Variants in ZFHX3 observed in about 807,000 individuals in gnomAD.
ZFHX3 encodes the protein zinc finger homeobox protein 3.
ZFHX3 carries 42 observed loss-of-function variants against 279.1 expected under a neutral mutation model. The observed-to-expected ratio is 0.15, with a 90% CI of 0.12 to 0.19. The LOEUF is 0.19. ZFHX3 is among the 10% of genes least tolerant of loss of function. The probability of loss-of-function intolerance (pLI) is 1.00; values close to 1 mark genes in which losing one functional copy is unlikely to be tolerated. For synonymous variants in ZFHX3, 2,293 were observed against 1,957.8 expected, an observed-to-expected ratio of 1.17 and a Z score of -4.52; for missense variants, 4,981 against 4,754.0, an observed-to-expected ratio of 1.05 and a Z score of -1.40.
At chr16:73,652,252 A>T (rs2142166701) in intron 2 of ZFHX3, among the ~76,000 whole-genome samples, 1 of 152,300 alleles carries the variant, frequency 6.6e-6, no homozygotes, top group Non-Finnish European at 1.5e-5. Context: ...ATGTGCTACC[A>T]CTCGTACCAA....
intron 2 of ZFHX3, among the ~76,000 whole-genome samples, chr16:73,570,075 T>G (rs2051718455): frequency 6.6e-6 from 1 of 152,172 alleles, no homozygotes; most frequent in African/African-American, 2.4e-5. Context: ...CGGGTATACA[T>G]TTTACAGGAA....
At chr16:72,956,511 G>C (rs1295407988) in intron 2 of ZFHX3, among the ~76,000 whole-genome samples, 1 of 152,082 alleles carries the variant, frequency 6.6e-6, no homozygotes, top group Non-Finnish European at 1.5e-5. Context: ...GCTGTGGTTC[G>C]TTCTACGTAA....
chr16:73,776,909 A>G (rs1399704833), intron 1 of ZFHX3, among the ~76,000 whole-genome samples: 2 of 151,956 alleles, frequency 1.3e-5, no homozygotes, highest in African/African-American at 2.4e-5. Context: ...TTTAAGGAAC[A>G]ATATTATCAG....
At chr16:73,155,609 G>A (rs1205198302) in intron 5 of ZFHX3, among the ~76,000 whole-genome samples, 2 of 152,062 alleles carry the variant, frequency 1.3e-5, no homozygotes, top group Non-Finnish European at 2.9e-5. Flanking sequence ...GATCACCTGA[G>A]GTCAGGAGTT....
chr16:72,918,404 A>C (rs2144222687), intron 3 of ZFHX3, among the ~76,000 whole-genome samples: 1 of 152,356 alleles, frequency 6.6e-6, no homozygotes, highest in African/African-American at 2.4e-5. Context: ...CAGCTATTAA[A>C]AATTATGATG....
intron 1 of ZFHX3, among the ~76,000 whole-genome samples, chr16:73,725,001 T>C (rs981161178): frequency 3.3e-5 from 5 of 152,156 alleles, no homozygotes; most frequent in Non-Finnish European, 5.9e-5. Context: ...CCTCAGTCTG[T>C]AATGGGATTA....
chr16:73,497,633 G>C (rs2019164150), intron 2 of ZFHX3, among the ~76,000 whole-genome samples: 1 of 152,086 alleles, frequency 6.6e-6, no homozygotes, highest in South Asian at 2.1e-4. Flanking sequence ...TCACGCCACT[G>C]CACTCCAGCC....
chr16:73,175,558 T>C (rs1303943118), intron 5 of ZFHX3, among the ~76,000 whole-genome samples: 1 of 152,178 alleles, frequency 6.6e-6, no homozygotes, highest in Non-Finnish European at 1.5e-5. Context: ...AGTAAGTGCA[T>C]TAACACACAC....
intron 2 of ZFHX3, among the ~76,000 whole-genome samples, chr16:73,475,055 T>C (rs2018741254): frequency 6.6e-6 from 1 of 152,214 alleles, no homozygotes; most frequent in Non-Finnish European, 1.5e-5. Context: ...TCCCTCCCTC[T>C]GTCTTCCTGC....
At chr16:73,301,931 T>A (rs1310578580) in intron 4 of ZFHX3, among the ~76,000 whole-genome samples, 1 of 151,994 alleles carries the variant, frequency 6.6e-6, no homozygotes, top group Non-Finnish European at 1.5e-5. Flanking sequence ...CTGTGGGTGC[T>A]GCGGCAACCA....
intron 4 of ZFHX3, among the ~76,000 whole-genome samples, chr16:72,851,327 CA>C (rs951089917): frequency 5.9e-5 from 9 of 152,114 alleles, no homozygotes; most frequent in African/African-American, 2.2e-4. Context: ...ACATTCTATG[CA>C]AAGGTCACCC....
intron 1 of ZFHX3, among the ~76,000 whole-genome samples, chr16:73,007,438 A>AT (rs1260908354): frequency 1.3e-5 from 2 of 152,134 alleles, no homozygotes; most frequent in Admixed American, 6.5e-5. Flanking sequence ...AGCCCTCCTC[A>AT]TAACTGTTTT....
At chr16:72,894,920 C>A (rs539623092) in intron 3 of ZFHX3, among the ~76,000 whole-genome samples, 1 of 152,332 alleles carries the variant, frequency 6.6e-6, no homozygotes, top group East Asian at 1.9e-4. Flanking sequence ...TTTCTTTACT[C>A]TGTGCTCACA....
chr16:73,773,089 A>G (rs2054037796), intron 1 of ZFHX3, among the ~76,000 whole-genome samples: 1 of 152,228 alleles, frequency 6.6e-6, no homozygotes, highest in Admixed American at 6.5e-5. Context: ...AGTTAATGAA[A>G]TTAATCAGTA....
intron 1 of ZFHX3, among the ~76,000 whole-genome samples, chr16:72,990,193 G>A (rs959617388): frequency 2.0e-5 from 3 of 152,180 alleles, no homozygotes; most frequent in Non-Finnish European, 4.4e-5. Flanking sequence ...CACTCAGTCC[G>A]ATGGAGGGGA....
At position 73,730,314 on chromosome 16, in the gene ZFHX3, C is replaced by G. The variant is rs933331756; in HGVS notation, c.-1607-50074G>C. On this transcript the variant is annotated intron_variant, in intron 1 of 17. Coordinates refer to the ZFHX3 transcript ENST00000641206. The stretch of plus-strand genomic sequence containing the variant: ...GGCTCAAATTCTGTTACAACAAAAT[C>G]ACTCAATGATCAACCCTTGAATAAC... Among the ~76,000 whole-genome samples the G allele has an allele frequency of 2.5e-5, 3 of 119,206 alleles. No individual in the cohort carries two copies. In the Admixed American group the frequency reaches 2.9e-4, roughly 11 times the overall value. The allele number at this position is 119,206 out of a possible 152,430, so 78.2% of individuals were successfully genotyped here.
At chr16:73,327,841 C>T (rs2015723944) in intron 3 of ZFHX3, among the ~76,000 whole-genome samples, 1 of 152,078 alleles carries the variant, frequency 6.6e-6, no homozygotes, top group Non-Finnish European at 1.5e-5. Context: ...TGTCATTTGC[C>T]CCCAGGGGAC....
intron 4 of ZFHX3, among the ~76,000 whole-genome samples, chr16:72,868,099 C>T (rs905925625): frequency 2.0e-5 from 3 of 152,136 alleles, no homozygotes; most frequent in African/African-American, 7.2e-5. Context: ...AGTAATCAGC[C>T]AAACGAGGCT....
chr16:73,218,572 C>T (rs2012295512), intron 5 of ZFHX3, among the ~76,000 whole-genome samples: 1 of 152,130 alleles, frequency 6.6e-6, no homozygotes, highest in South Asian at 2.1e-4. Flanking sequence ...AGTTCGAGAC[C>T]AGCCTGGCCA....
Sources: allele counts gnomAD v4.1 joint callset (sites outside exome capture counted in the v4.1 genomes callset), GRCh38; gene constraint gnomAD v4.1.1; transcripts MANE v1.5; gene names NCBI Gene and HGNC (gene_info 2026-07-23, HGNC 2026-07-21).